Variants in STK39 observed in about 807,000 individuals in gnomAD.
STK39 encodes the protein STE20/SPS1-related proline-alanine-rich protein kinase.
Under a neutral mutation model 77.8 loss-of-function variants are expected in STK39, and 20 were observed. That is an observed-to-expected ratio of 0.26 (90% CI 0.18 to 0.37). The LOEUF (loss-of-function observed/expected upper bound fraction) is 0.37. Ranked by LOEUF, STK39 falls within the 10% of genes least tolerant of loss-of-function variation. The probability of loss-of-function intolerance (pLI) is 1.00; values close to 1 mark genes in which losing one functional copy is unlikely to be tolerated. For synonymous variants in STK39, 246 were observed against 234.1 expected, an observed-to-expected ratio of 1.05 and a Z score of -0.47; for missense variants, 479 against 656.5, an observed-to-expected ratio of 0.73 and a Z score of 2.95.
intron 14 of STK39, among the ~76,000 whole-genome samples, chr2:168,032,552 C>T (rs987112020): frequency 6.6e-6 from 1 of 152,198 alleles, no homozygotes; most frequent in Non-Finnish European, 1.5e-5. Flanking sequence ...TTAAGACTAG[C>T]TTATCTTTCC....
At chr2:168,126,153 C>T (rs1323967201) in intron 10 of STK39, among the ~76,000 whole-genome samples, 2 of 152,154 alleles carry the variant, frequency 1.3e-5, no homozygotes, top group Non-Finnish European at 2.9e-5. Flanking sequence ...ATCATTTAAA[C>T]ACTCATGTGT....
At chr2:168,229,835 TACAC>T (rs373487475) in intron 1 of STK39, among the ~76,000 whole-genome samples, 4 of 152,166 alleles carry the variant, frequency 2.6e-5, no homozygotes, top group Admixed American at 6.5e-5. Flanking sequence ...GGATCAGCAT[TACAC>T]ACACACACCC....
At chr2:168,154,190 A>C (rs1688366858) in intron 5 of STK39, among the ~76,000 whole-genome samples, 1 of 152,242 alleles carries the variant, frequency 6.6e-6, no homozygotes, top group South Asian at 2.1e-4. Flanking sequence ...TGGCCCATTC[A>C]ATAGAAGAAT....
At chr2:168,195,129 A>C (rs1689436051) in intron 1 of STK39, among the ~76,000 whole-genome samples, 1 of 152,178 alleles carries the variant, frequency 6.6e-6, no homozygotes, top group Admixed American at 6.5e-5. Flanking sequence ...GGAAGTATTC[A>C]CTTTTACATC....
intron 1 of STK39, among the ~76,000 whole-genome samples, chr2:168,232,420 T>C (rs1033976181): frequency 2.6e-5 from 4 of 152,204 alleles, no homozygotes; most frequent in African/African-American, 7.2e-5. Flanking sequence ...CAAGGAAATA[T>C]TTAATTTTAA....
At chr2:168,243,563 C>G (rs1402791432) in intron 1 of STK39, among the ~76,000 whole-genome samples, 1 of 152,118 alleles carries the variant, frequency 6.6e-6, no homozygotes, top group East Asian at 1.9e-4. Context: ...AAAGGTGCAT[C>G]CTGCAAAAAC....
intron 1 of STK39, among the ~76,000 whole-genome samples, chr2:168,242,563 ATATATATATATATATATATAT>A (rs1690793340): frequency 3.5e-5 from 2 of 57,916 alleles, no homozygotes; most frequent in East Asian, 6.1e-4. Context: ...AAAAAAAAAT[ATATATATATATATATATATAT>A]ATATATATAT....
chr2:167,960,821 T>C (rs1691936253), intron 17 of STK39, among the ~76,000 whole-genome samples: 1 of 152,098 alleles, frequency 6.6e-6, no homozygotes, highest in African/African-American at 2.4e-5. Flanking sequence ...TCCCAGTGCT[T>C]CCCAGTGTGA....
intron 14 of STK39, among the ~76,000 whole-genome samples, chr2:168,043,148 AG>A: frequency 6.6e-6 from 1 of 152,310 alleles, no homozygotes; most frequent in South Asian, 2.1e-4. Context: ...TACAAAATAC[AG>A]TTCAAAGCCC....
chr2:168,173,454 T>C (rs2390641), intron 2 of STK39, among the ~76,000 whole-genome samples: 39,943 of 152,110 alleles, frequency 0.26, 5,888 homozygotes, highest in East Asian at 0.56. Flanking sequence ...AACCAAGGCA[T>C]GGAAGAACAG....
intron 16 of STK39, among the ~76,000 whole-genome samples, chr2:167,974,914 CA>C (rs1161585193): frequency 6.6e-6 from 1 of 152,092 alleles, no homozygotes; most frequent in East Asian, 1.9e-4. Flanking sequence ...TGAAGTAGAA[CA>C]AAAATTGATT....
intron 8 of STK39, among the ~76,000 whole-genome samples, chr2:168,133,069 G>C (rs1687742171): frequency 6.6e-6 from 1 of 152,094 alleles, no homozygotes; most frequent in African/African-American, 2.4e-5. Flanking sequence ...CCAACGTAAG[G>C]AGGCAAAGTG....
intron 1 of STK39, among the ~76,000 whole-genome samples, chr2:168,204,659 T>C (rs1689696502): frequency 6.6e-6 from 1 of 152,236 alleles, no homozygotes; most frequent in African/African-American, 2.4e-5. Context: ...AAAGTATGAT[T>C]TTCTTTCTGC....
chr2:168,152,148 C>T (rs1490885562), intron 5 of STK39, among the ~76,000 whole-genome samples: 4 of 152,202 alleles, frequency 2.6e-5, no homozygotes, highest in Admixed American at 6.5e-5. Context: ...CAAGAGTTCA[C>T]TAGTGGTCAA....
intron 1 of STK39, among the ~76,000 whole-genome samples, chr2:168,219,317 G>A (rs981414042): frequency 6.6e-6 from 1 of 151,982 alleles, no homozygotes; most frequent in African/African-American, 2.4e-5. Context: ...GATATTTTCG[G>A]TGTGTTCAGA....
chr2:168,089,487 T>C (rs1043496221), intron 10 of STK39, among the ~76,000 whole-genome samples: 2 of 152,238 alleles, frequency 1.3e-5, no homozygotes, highest in African/African-American at 4.8e-5. Context: ...TAATAACTTT[T>C]CAAGAACTAA....
intron 5 of STK39, among the ~76,000 whole-genome samples, chr2:168,147,381 C>T (rs1688168458): frequency 1.3e-5 from 2 of 152,242 alleles, no homozygotes; most frequent in South Asian, 4.1e-4. Flanking sequence ...TGTTATACCA[C>T]CAACGTTGGA....
At chr2:167,995,073 A>T (rs1683798424) in intron 16 of STK39, among the ~76,000 whole-genome samples, 1 of 149,936 alleles carries the variant, frequency 6.7e-6, no homozygotes, top group Admixed American at 6.7e-5. Flanking sequence ...TCATTAAAAC[A>T]TTTAAAATAT....
intron 10 of STK39, among the ~76,000 whole-genome samples, chr2:168,080,161 C>T (rs1686189411): frequency 6.6e-6 from 1 of 152,104 alleles, no homozygotes; most frequent in Admixed American, 6.5e-5. Context: ...GGCATTTTGG[C>T]CCTACAGATT....
Sources: allele counts gnomAD v4.1 joint callset (sites outside exome capture counted in the v4.1 genomes callset), GRCh38; gene constraint gnomAD v4.1.1; transcripts MANE v1.5; gene names NCBI Gene and HGNC (gene_info 2026-07-23, HGNC 2026-07-21).